The following ZNF124 variants were observed in gnomAD, a reference collection of about 807,000 sequenced individuals.
The protein encoded by ZNF124 is zinc finger protein HZF-16.
A neutral mutation model predicts 26.6 loss-of-function variants in ZNF124; 25 were observed. That is an observed-to-expected ratio of 0.94 (90% confidence interval 0.68 to 1.31). ZNF124 has a LOEUF of 1.31. Ranked by LOEUF, ZNF124 falls within the 40% of genes most tolerant of loss-of-function variation. The pLI is 0.00. For missense variants in ZNF124, 444 were observed against 422.2 expected (o/e 1.05, Z -0.45); for synonymous variants, 129 against 133.3 (o/e 0.97, Z 0.22).
downstream of ZNF124, among the ~76,000 whole-genome samples, chr1:247,154,238 G>A (rs561069935): frequency 6.6e-5 from 10 of 152,270 alleles, no homozygotes; most frequent in East Asian, 1.9e-4. Context: ...TCATGGGGAC[G>A]GTTTCCCCCG....
chr1:247,128,247 C>T (rs1373071732), intron 3 of ZNF124, among the ~76,000 whole-genome samples: 1 of 151,644 alleles, frequency 6.6e-6, no homozygotes, highest in Non-Finnish European at 1.5e-5. Flanking sequence ...ATCTAGTCCA[C>T]TATAAAAAAT....
At chr1:247,142,397 C>A (rs1008274218) in intron 3 of ZNF124, among the ~76,000 whole-genome samples, 2 of 152,168 alleles carry the variant, frequency 1.3e-5, no homozygotes, top group African/African-American at 4.8e-5. Flanking sequence ...TATAAGACAT[C>A]TGATGTCTTT....
At chr1:247,158,004 C>T (rs1236587925) in intron 3 of ZNF124, among the ~76,000 whole-genome samples, 1 of 150,598 alleles carries the variant, frequency 6.6e-6, no homozygotes, top group Admixed American at 6.6e-5. Flanking sequence ...AATCCCAGCA[C>T]TTTGGGAGGC....
chr1:247,156,953 G>A lies in ZNF124; in HGVS notation c.669C>T (p.Tyr223=), dbSNP rs1673174764. Residue 223 remains tyrosine, a synonymous_variant, in exon 4 of 4, where the codon TAC becomes TAT. Coordinates refer to ENST00000543802, the MANE Select transcript of ZNF124 (RefSeq NM_001297568.2). ...KAFRYSNCLH[Y]HERTHTGEKP... ...TCTCTCCAGTGTGAGTTCTTTCATG[G>A]TAATGAAGGCAATTGGAGTAACGGA... 1 of 1,610,536 alleles carries A rather than the reference G, an allele frequency of 6.2e-7. No homozygotes were observed. Among genetic ancestry groups the A allele is most frequent in the South Asian group, 1.1e-5 (1 of 90,902 alleles).
chr1:247,139,703 C>T (rs1237972185), intron 3 of ZNF124, among the ~76,000 whole-genome samples: 1 of 152,090 alleles, frequency 6.6e-6, no homozygotes, highest in African/African-American at 2.4e-5. Flanking sequence ...TAATGAACTC[C>T]CTCAGCATTT....
intron 3 of ZNF124, among the ~76,000 whole-genome samples, chr1:247,143,537 T>G (rs1374774033): frequency 1.3e-5 from 2 of 152,286 alleles, no homozygotes; most frequent in Middle Eastern, 3.4e-3. Context: ...ACACACAGAC[T>G]GGAAGTTTTT....
chr1:247,132,240 T>TCAA lies in ZNF124; in HGVS notation c.219-8372_219-8370dup, dbSNP rs3039533. Among the ~76,000 whole-genome samples the TCAA allele has an allele frequency of 1.2e-3, 187 of 151,800 alleles. 1 individual carries two copies. The highest frequency in any genetic ancestry group is 0.011 in the South Asian group (52 of 4,794). ...AAGCAAGCAGAAACTGACAACAGTGTCAACAACAACAACAAAAAAGGCCCT... is the reference window on the plus strand; with the variant it reads ...AAGCAAGCAGAAACTGACAACAGTGTCAACAACAACAACAACAAAAAAGGCCCT... On this transcript the variant is annotated intron_variant, in intron 3 of 3. Coordinates refer to the ZNF124 transcript ENST00000472531.
rs768964745 is a variant in ZNF124, at chr1:247,156,940, GA to G, written c.681del (p.His228ThrfsTer26). ...CACACATAAGGTTTCTCTCCAGTGTGAGTTCTTTCATGGTAATGAAGGCAAT... is the reference window on the plus strand; with the variant it reads ...CACACATAAGGTTTCTCTCCAGTGTGGTTCTTTCATGGTAATGAAGGCAAT... ...YSNCLHYHER[T>X]HTGEKPYVCM... On this transcript the variant is annotated frameshift_variant, in exon 4 of 4. Coordinates refer to ENST00000543802, the MANE Select transcript of ZNF124 (RefSeq NM_001297568.2). LOFTEE classifies it high-confidence loss of function. The G allele has an allele frequency of 7.4e-6, 12 of 1,613,318 alleles. No individual in the cohort carries two copies. Among genetic ancestry groups the G allele is most frequent in the Middle Eastern group, 1.6e-4 (1 of 6,084 alleles).
downstream of ZNF124, among the ~76,000 whole-genome samples, chr1:247,150,418 A>G (rs1672897894): frequency 6.6e-6 from 1 of 152,218 alleles, no homozygotes; most frequent in African/African-American, 2.4e-5. Context: ...GTCAGCTCTG[A>G]GGGTGAGATA....
chr1:247,156,763 G>A lies in ZNF124; in HGVS notation c.859C>T (p.Gln287Ter), dbSNP rs1673159312. 9.3e-6 allele frequency: 15 copies of A among 1,612,962 alleles called. No homozygotes were observed. Among genetic ancestry groups the A allele is most frequent in the Non-Finnish European group, 1.3e-5 (15 of 1,179,688 alleles). ...LQKHEKTHIA[Q>*]KPYVCNNCGK... is the part of the protein sequence containing the mutation. Reference sequence around the variant, plus strand: ...CAATTGTTACATACATAGGGTTTCTGTGCAATATGAGTTTTCTCGTGTTTC... The same window carrying A: ...CAATTGTTACATACATAGGGTTTCTATGCAATATGAGTTTTCTCGTGTTTC... The change falls in exon 4 of 4, where the codon CAG becomes TAG. Residue 287 changes from glutamine (Q) to a stop codon, truncating the protein, a stop_gained. Transcript: ENST00000543802. LOFTEE classifies it high-confidence loss of function.
Position 247,157,215 on chromosome 1 carries a change from G to A in ZNF124, c.407C>T (p.Ser136Leu), listed in dbSNP as rs762925475. ...ICEKVFNIPSSFQIHQRNHTG... is the reference protein window; with the variant it reads ...ICEKVFNIPSLFQIHQRNHTG... Reference sequence around the variant, plus strand: ...GTGATTTCTCTGATGTATCTGAAATGAACTGGGAATATTAAAAACTTTCTC... The same window carrying A: ...GTGATTTCTCTGATGTATCTGAAATAAACTGGGAATATTAAAAACTTTCTC... The change falls in exon 4 of 4, where the codon TCA (serine) becomes TTA (leucine). Residue 136 changes from serine (S) to leucine (L), a missense_variant. Physicochemically the swap from Ser to Leu is moderately radical, Grantham distance 145 (BLOSUM62 -2). Coordinates refer to ENST00000543802, the MANE Select transcript of ZNF124 (RefSeq NM_001297568.2). 6.2e-7 allele frequency: 1 copy of A among 1,614,096 alleles called. No homozygotes were observed. Among genetic ancestry groups the A allele is most frequent in the Admixed American group, 1.7e-5 (1 of 60,032 alleles).
intron 3 of ZNF124, among the ~76,000 whole-genome samples, chr1:247,130,721 A>C (rs1250990878): frequency 6.6e-6 from 1 of 152,220 alleles, no homozygotes; most frequent in Non-Finnish European, 1.5e-5. Flanking sequence ...CCTCCAACAT[A>C]CATAAAAGCA....
chr1:247,139,828 C>A (rs1268780451), intron 3 of ZNF124, among the ~76,000 whole-genome samples: 1 of 152,106 alleles, frequency 6.6e-6, no homozygotes, highest in Non-Finnish European at 1.5e-5. Context: ...GGCCCTGAGT[C>A]TTTTCTGGCT....
intron 3 of ZNF124, among the ~76,000 whole-genome samples, chr1:247,141,187 G>C (rs1401149391): frequency 6.6e-6 from 1 of 152,182 alleles, no homozygotes. Flanking sequence ...GAACCTGTGG[G>C]AGATGAACTG....
chr1:247,155,599 C>T lies in ZNF124; in HGVS notation c.*967G>A, dbSNP rs1458271886. On this transcript the variant is annotated 3_prime_UTR_variant, in exon 4 of 4. Transcript: ENST00000543802. Reference sequence around the variant, plus strand: ...TGCCTCAGCTGGGCGTGGTGGCTCACGCCTGTAATCCCAGCACTTTGGGAG... The same window carrying T: ...TGCCTCAGCTGGGCGTGGTGGCTCATGCCTGTAATCCCAGCACTTTGGGAG... Among the ~76,000 whole-genome samples, 1 of 152,094 alleles carries T rather than the reference C, an allele frequency of 6.6e-6. No individual in the cohort carries two copies. The highest frequency in any genetic ancestry group is 2.4e-5 in the African/African-American group (1 of 41,444).
intron 1 of ZNF124, among the ~76,000 whole-genome samples, chr1:247,161,028 T>C (rs1023039435): frequency 1.3e-5 from 2 of 152,224 alleles, no homozygotes; most frequent in African/African-American, 4.8e-5. Flanking sequence ...TTACAAATGA[T>C]ATTTATGTAA....
In ZNF124 at chr1:247,146,844, G is replaced by A. The variant is rs557062749; in HGVS notation, c.218+12162C>T. Among the ~76,000 whole-genome samples, 9 of 152,262 alleles carry A rather than the reference G, an allele frequency of 5.9e-5. No homozygotes were observed. The South Asian group carries it at 1.9e-3, about 32-fold the overall frequency. Reference sequence around the variant, plus strand: ...CCAAAGAGACAGGAGTCCCAAGCCCGAATCTGTCTCCCTCTGCTGGCATCA... The same window carrying A: ...CCAAAGAGACAGGAGTCCCAAGCCCAAATCTGTCTCCCTCTGCTGGCATCA... On this transcript the variant is annotated intron_variant, in intron 3 of 3. Coordinates refer to the ZNF124 transcript ENST00000472531.
At chr1:247,145,915 G>C (rs1283954614) in intron 3 of ZNF124, among the ~76,000 whole-genome samples, 1 of 152,200 alleles carries the variant, frequency 6.6e-6, no homozygotes, top group Non-Finnish European at 1.5e-5. Context: ...GAGCCACTGC[G>C]CCCGGCCAAA....
chr1:247,159,373 C>T (rs1673345731), intron 2 of ZNF124, among the ~76,000 whole-genome samples: 1 of 152,218 alleles, frequency 6.6e-6, no homozygotes. Context: ...GATCCCTTTG[C>T]ACATGCCCAC....
Sources: allele counts gnomAD v4.1 joint callset (sites outside exome capture counted in the v4.1 genomes callset), GRCh38; gene constraint gnomAD v4.1.1; transcripts MANE v1.5; gene names NCBI Gene and HGNC (gene_info 2026-07-23, HGNC 2026-07-21).